ARHGAP15: variants seen among roughly 807,000 people sequenced by gnomAD.
The protein encoded by ARHGAP15 is rho GTPase-activating protein 15.
ARHGAP15 carries 51 observed loss-of-function variants against 63.7 expected under a neutral mutation model. The observed-to-expected ratio is 0.80, with a 90% CI of 0.64 to 1.01. ARHGAP15 has a LOEUF of 1.01. Ranked by LOEUF, ARHGAP15 falls within the 50% of genes least tolerant of loss-of-function variation. The pLI, the probability that ARHGAP15 is intolerant of heterozygous loss-of-function variation, is 0.00. For synonymous variants in ARHGAP15, 191 were observed against 193.8 expected, an observed-to-expected ratio of 0.99 and a Z score of 0.12; for missense variants, 560 against 564.6, an observed-to-expected ratio of 0.99 and a Z score of 0.08.
intron 13 of ARHGAP15, among the ~76,000 whole-genome samples, chr2:143,705,006 G>C (rs1204560646): frequency 1.3e-5 from 2 of 152,158 alleles, no homozygotes; most frequent in Admixed American, 6.5e-5. Context: ...GCAAACATAT[G>C]TGTGTATGGT....
At chr2:143,469,248 T>C (rs1435319553) in intron 8 of ARHGAP15, among the ~76,000 whole-genome samples, 1 of 152,048 alleles carries the variant, frequency 6.6e-6, no homozygotes, top group East Asian at 1.9e-4. Context: ...TATGGAGAGA[T>C]GACTAGCATG....
chr2:143,753,051 G>A (rs954529564), intron 13 of ARHGAP15, among the ~76,000 whole-genome samples: 3 of 152,156 alleles, frequency 2.0e-5, no homozygotes, highest in South Asian at 2.1e-4. Flanking sequence ...AGGTCGAGGC[G>A]GGAAGATCGC....
At chr2:143,549,207 G>T (rs975760484) in intron 10 of ARHGAP15, among the ~76,000 whole-genome samples, 2 of 151,968 alleles carry the variant, frequency 1.3e-5, no homozygotes, top group African/African-American at 4.8e-5. Context: ...TCTTTTTTAT[G>T]AAAAACAATG....
At chr2:143,677,030 A>G (rs1682860960) in intron 12 of ARHGAP15, among the ~76,000 whole-genome samples, 1 of 152,236 alleles carries the variant, frequency 6.6e-6, no homozygotes, top group Admixed American at 6.5e-5. Context: ...TTACTTCAAA[A>G]AAAGGAAGTG....
intron 4 of ARHGAP15, 108 bp from the exon 5 acceptor site, chr2:143,228,473 T>TA (rs1188699802): frequency 8.5e-6 from 5 of 586,710 alleles, no homozygotes; most frequent in Admixed American, 3.6e-5. Context: ...GCAAGACTGT[T>TA]AAAAATAAAG....
Position 143,134,127 on chromosome 2 carries a change from C to G in ARHGAP15, c.-15+4661C>G, listed in dbSNP as rs1268639177. Among the ~76,000 whole-genome samples, 6 of 32,298 alleles carry G rather than the reference C, an allele frequency of 1.9e-4. No individual in the cohort carries two copies. The East Asian group carries it at 2.9e-3, about 15-fold the overall frequency. 21.2% of individuals were successfully genotyped at this position (32,298 alleles called of 152,430 possible). On this transcript the variant is annotated intron_variant, in intron 1 of 13. Transcript: ENST00000295095. Reference sequence around the variant, plus strand: ...AAAATCTATCTATCTATCTATCTATCTATCTATCTATCTATCTATCTATCT... The same window carrying G: ...AAAATCTATCTATCTATCTATCTATGTATCTATCTATCTATCTATCTATCT...
intron 13 of ARHGAP15, among the ~76,000 whole-genome samples, chr2:143,761,377 G>C (rs1686754485): frequency 1.3e-5 from 2 of 152,096 alleles, no homozygotes; most frequent in Admixed American, 1.3e-4. Context: ...ATGTGTGTTG[G>C]AAAATCATGG....
intron 6 of ARHGAP15, among the ~76,000 whole-genome samples, chr2:143,349,699 T>C (rs1685472193): frequency 6.6e-6 from 1 of 152,214 alleles, no homozygotes; most frequent in South Asian, 2.1e-4. Context: ...TAGCTTTTCC[T>C]GTGTTTCACA....
At chr2:143,702,757 C>A (rs1199453540) in intron 12 of ARHGAP15, among the ~76,000 whole-genome samples, 1 of 152,134 alleles carries the variant, frequency 6.6e-6, no homozygotes, top group African/African-American at 2.4e-5. Flanking sequence ...CCTTAGAAAG[C>A]AGCCCCTCAT....
At chr2:143,283,435 A>G (rs1414721841) in intron 6 of ARHGAP15, among the ~76,000 whole-genome samples, 4 of 152,168 alleles carry the variant, frequency 2.6e-5, no homozygotes, top group Non-Finnish European at 4.4e-5. Flanking sequence ...GGATATTTAA[A>G]TTAATTTTAC....
At chr2:143,337,235 G>A (rs371556538) in intron 6 of ARHGAP15, among the ~76,000 whole-genome samples, 5 of 142,744 alleles carry the variant, frequency 3.5e-5, no homozygotes, top group South Asian at 2.2e-4. Context: ...TGGTCTAGCT[G>A]GAGAGAAAGA....
intron 11 of ARHGAP15, among the ~76,000 whole-genome samples, chr2:143,574,585 C>T (rs553976459): frequency 9.2e-5 from 14 of 152,064 alleles, no homozygotes; most frequent in African/African-American, 2.2e-4. Flanking sequence ...AACAGTTGTT[C>T]GAATCCTCTC....
At chr2:143,605,886 A>AAAAAAAAG (rs869151020) in intron 11 of ARHGAP15, among the ~76,000 whole-genome samples, 4 of 142,980 alleles carry the variant, frequency 2.8e-5, no homozygotes, top group Non-Finnish European at 4.6e-5. Context: ...AAAAAAAAAA[A>AAAAAAAAG]TTAGCCAGGC....
intron 12 of ARHGAP15, among the ~76,000 whole-genome samples, chr2:143,681,447 CA>C (rs1429589343): frequency 6.6e-6 from 1 of 152,094 alleles, no homozygotes; most frequent in Admixed American, 6.6e-5. Flanking sequence ...TGCAGACGGG[CA>C]AATTTCTTTG....
chr2:143,656,626 T>C (rs544296957), intron 12 of ARHGAP15, among the ~76,000 whole-genome samples: 1 of 152,316 alleles, frequency 6.6e-6, no homozygotes, highest in Admixed American at 6.5e-5. Context: ...TCTCCAGTGG[T>C]AGAAAACACC....
chr2:143,213,246 G>T (rs1692624608), intron 3 of ARHGAP15, among the ~76,000 whole-genome samples: 1 of 152,196 alleles, frequency 6.6e-6, no homozygotes. Flanking sequence ...GGGTGCGGTG[G>T]CTCATGCCTG....
chr2:143,718,340 T>C (rs900115264), intron 13 of ARHGAP15, among the ~76,000 whole-genome samples: 11 of 152,250 alleles, frequency 7.2e-5, no homozygotes, highest in African/African-American at 2.4e-4. Flanking sequence ...GAAAGGAGGT[T>C]AGGGGCTGTC....
intron 9 of ARHGAP15, among the ~76,000 whole-genome samples, chr2:143,510,041 A>AG (rs1313350564): frequency 6.6e-6 from 1 of 150,632 alleles, no homozygotes; most frequent in East Asian, 1.9e-4. Flanking sequence ...AAAAAAAAAA[A>AG]AAAAAATAGA....
intron 6 of ARHGAP15, among the ~76,000 whole-genome samples, chr2:143,415,322 A>C (rs1331870601): frequency 6.6e-6 from 1 of 152,198 alleles, no homozygotes; most frequent in South Asian, 2.1e-4. Context: ...AAAACCATAA[A>C]ATTTAAAACC....
Sources: allele counts gnomAD v4.1 joint callset (sites outside exome capture counted in the v4.1 genomes callset), GRCh38; gene constraint gnomAD v4.1.1; transcripts MANE v1.5; gene names NCBI Gene and HGNC (gene_info 2026-07-23, HGNC 2026-07-21).